ZNF550: variants seen among roughly 807,000 people sequenced by gnomAD.
ZNF550 encodes zinc finger protein 550.
Under a neutral mutation model 40.2 loss-of-function variants are expected in ZNF550, and 42 were observed. That is an observed-to-expected ratio of 1.05 (90% CI 0.82 to 1.35). The LOEUF (loss-of-function observed/expected upper bound fraction) is 1.35, where lower values mean the gene tolerates loss of function less well. ZNF550 is among the 40% of genes most tolerant of loss of function. ZNF550 has a pLI of 0.00. For synonymous variants in ZNF550, 223 were observed against 198.6 expected, an observed-to-expected ratio of 1.12 and a Z score of -1.03; for missense variants, 549 against 525.2, an observed-to-expected ratio of 1.05 and a Z score of -0.44.
intron 4 of ZNF550, chr19:57,544,601 G>A: frequency 1.0e-6 from 1 of 985,206 alleles, no homozygotes; most frequent in African/African-American, 1.7e-5. Flanking sequence ...AACAAAAACA[G>A]AGAACTCTTA....
In ZNF550 at chr19:57,554,758, G is replaced by C. The variant is rs1264308309; in HGVS notation, c.154+1473C>G. 1 of 152,242 alleles carries C rather than the reference G, an allele frequency of 6.6e-6. No individual in the cohort carries two copies. Among genetic ancestry groups the C allele is most frequent in the Non-Finnish European group, 1.5e-5 (1 of 68,064 alleles). The allele number at this position is 152,242 out of a possible 1,614,324, so 9.4% of individuals were successfully genotyped here. ...AGTTCTGGGACAGGGCTGTGGGAAA[G>C]GTGAATCAGATGATCCTTTGGCTCT... On this transcript the variant is annotated intron_variant, in intron 2 of 4. Coordinates refer to ENST00000457177, the Ensembl canonical transcript of ZNF550. This position sits in a 1 kb window ranked among gnomAD's most constrained non-coding sequence, Gnocchi z 4.5.
intron 2 of ZNF550, chr19:57,555,342 CTT>C (rs770362267): frequency 1.3e-5 from 2 of 152,194 alleles, no homozygotes; most frequent in Admixed American, 6.5e-5. Context: ...TGATCTGAGA[CTT>C]TTCTTTTTTT....
chr19:57,546,556 A>G, exon 4 of ZNF550: 1 of 982,788 alleles, frequency 1.0e-6, no homozygotes, highest in Non-Finnish European at 1.2e-6. Context: ...ACCTGGTCAC[A>G]AAGTTTTCTC....
chr19:57,544,078 C>T, intron 4 of ZNF550: 1 of 985,396 alleles, frequency 1.0e-6, no homozygotes. Flanking sequence ...TATATTGCAC[C>T]TGTTCTCATG....
intron 1 of ZNF550, 127 bp from the exon 2 acceptor site, chr19:57,556,484 G>A (rs533783548): frequency 4.1e-5 from 52 of 1,265,512 alleles, no homozygotes; most frequent in Non-Finnish European, 5.2e-5. Context: ...CCTTTGGGCT[G>A]ACTTCCGTGC....
exon 4 of ZNF550, chr19:57,546,916 AATG>A: frequency 6.5e-7 from 1 of 1,533,564 alleles, no homozygotes; most frequent in Non-Finnish European, 8.8e-7. Context: ...TCCCATTATG[AATG>A]ATAAAATAAC....
At chr19:57,555,055 T>C (rs1178529064) in intron 2 of ZNF550, 2 of 152,188 alleles carry the variant, frequency 1.3e-5, no homozygotes, top group African/African-American at 2.4e-5. Context: ...GAACTCAGAG[T>C]GTGCCATCAA....
chr19:57,542,530 C>G (rs1406305332), exon 5 of ZNF550: 3 of 151,492 alleles, frequency 2.0e-5, no homozygotes, highest in African/African-American at 7.3e-5. Flanking sequence ...CAGTTAAAAA[C>G]AATTGGCTAG....
upstream of ZNF550, among the ~76,000 whole-genome samples, chr19:57,560,233 C>T (rs1349408999): frequency 2.0e-5 from 3 of 152,176 alleles, no homozygotes; most frequent in African/African-American, 4.8e-5. Context: ...ACTGCGTCCT[C>T]CTCCACCCTG....
intron 3 of ZNF550, 185 bp downstream of exon 3, chr19:57,552,442 C>G (rs2090080305): frequency 1.9e-6 from 1 of 530,900 alleles, no homozygotes. Flanking sequence ...GTACCTGTGT[C>G]TCTGAATAAT....
intron 2 of ZNF550, 191 bp from the exon 3 acceptor site, chr19:57,552,913 T>C (rs1015923161): frequency 1.6e-5 from 9 of 566,576 alleles, no homozygotes; most frequent in African/African-American, 5.6e-5. Flanking sequence ...AAAAATCATA[T>C]GTTGATGCCC....
At chr19:57,547,318 T>A (rs139099223) in exon 4 of ZNF550, 1 of 1,614,206 alleles carries the variant, frequency 6.2e-7, no homozygotes, top group Non-Finnish European at 8.5e-7. Context: ...TTCTCCAGTG[T>A]GGGTCCTATT....
rs1326799862 is a variant in ZNF550 at position 57,549,601 on chromosome 19, C to T, written c.251-1608G>A. Among the ~76,000 whole-genome samples, 8 of 152,224 alleles carry T rather than the reference C, an allele frequency of 5.3e-5. No homozygotes were observed. The South Asian group carries it at 1.7e-3, about 32-fold the overall frequency. On this transcript the variant is annotated intron_variant, in intron 3 of 4. Transcript: ENST00000457177. ...TGAGTCCTAAAAGAGAAGCCAGAGT[C>T]ATTGCCAGAGAGAGGAAGTGGGCAA... is the stretch of plus-strand genomic sequence containing the variant.
rs758556622 is a variant in ZNF550 at position 57,547,979 on chromosome 19, C to G, written c.265G>C (p.Val89Leu). 2.5e-6 allele frequency: 4 copies of G among 1,612,886 alleles called. No homozygotes were observed. In the African/African-American group the frequency reaches 5.3e-5, roughly 22 times the overall value. The stretch of plus-strand genomic sequence containing the variant: ...TAAGTGGTTGGCTCTCTGGTATGAA[C>G]TTGTGCTCTGTCACCTGAAGGGCAT... Residue 89 changes from valine to leucine, a missense_variant, in exon 4 of 5, where the codon GTT becomes CTT. Val to Leu is a conservative substitution (Grantham distance 32). Coordinates refer to ENST00000457177, the Ensembl canonical transcript of ZNF550.
At chr19:57,546,748 G>A in exon 4 of ZNF550, 2 of 1,319,292 alleles carry the variant, frequency 1.5e-6, no homozygotes, top group East Asian at 2.8e-5. Flanking sequence ...CAATGAGTGA[G>A]AACTGAGTGG....
intron 2 of ZNF550, chr19:57,553,011 A>G (rs1049805515): frequency 3.5e-6 from 1 of 289,702 alleles, no homozygotes; most frequent in South Asian, 9.7e-5. Context: ...CCTTAATCTG[A>G]TAAAATTATG....
exon 4 of ZNF550, chr19:57,547,969 C>T (rs1387557407): frequency 3.1e-6 from 5 of 1,613,466 alleles, no homozygotes; most frequent in Non-Finnish European, 4.2e-6. Context: ...GGTTGGCTCT[C>T]TGGTATGAAC....
At chr19:57,543,399 T>A (rs1881702768) in intron 4 of ZNF550, 1 of 249,314 alleles carries the variant, frequency 4.0e-6, no homozygotes, top group South Asian at 1.5e-4. Flanking sequence ...TCCAGACACA[T>A]TTTTTGTCTG....
Position 57,552,726 on chromosome 19 carries a change from TTG to T in ZNF550, c.155-6_155-5del, listed in dbSNP as rs2090084503. 6.3e-7 allele frequency: 1 copy of T among 1,594,492 alleles called. No homozygotes were observed. The highest frequency in any genetic ancestry group is 1.3e-5 in the African/African-American group (1 of 74,832). On this transcript the variant is annotated splice_region_variant and splice_polypyrimidine_tract_variant and intron_variant, in intron 2 of 4. Coordinates refer to ENST00000457177, the Ensembl canonical transcript of ZNF550. ...TCTGGTTTGGGAACCCGATGCCCTG[TTG>T]ATAGCAAAAGAAATAGAATAGGGGT...
Sources: allele counts gnomAD v4.1 joint callset (sites outside exome capture counted in the v4.1 genomes callset), GRCh38; gene constraint gnomAD v4.1.1; non-coding constraint Gnocchi (gnomAD v3.1); transcripts MANE v1.5; gene names NCBI Gene and HGNC (gene_info 2026-07-23, HGNC 2026-07-21).